The following NTNG1 variants were observed in gnomAD, a reference collection of about 807,000 sequenced individuals.
NTNG1 encodes the protein netrin-G1.
Under a neutral mutation model 54.0 loss-of-function variants are expected in NTNG1, and 16 were observed. That is an observed-to-expected ratio of 0.30 (90% CI 0.20 to 0.45). NTNG1 has a LOEUF of 0.45. NTNG1 is among the 20% of genes least tolerant of loss of function. The pLI is 1.00. For synonymous variants in NTNG1, 255 were observed against 263.1 expected (o/e 0.97, Z 0.30); for missense variants, 530 against 678.7 (o/e 0.78, Z 2.43).
chr1:107,311,456 C>G (rs538799987), intron 2 of NTNG1, among the ~76,000 whole-genome samples: 21 of 152,272 alleles, frequency 1.4e-4, no homozygotes, highest in African/African-American at 5.1e-4. Flanking sequence ...TCTTTGTCCT[C>G]TAACCTCACC....
intron 2 of NTNG1, among the ~76,000 whole-genome samples, chr1:107,307,655 A>C (rs969544068): frequency 6.6e-6 from 1 of 152,220 alleles, no homozygotes; most frequent in African/African-American, 2.4e-5. Context: ...TATTTGTTCC[A>C]GTTGTCCAGA....
rs538196005 is a variant in NTNG1 at position 107,289,128 on chromosome 1, C to G, written c.247-35154C>G. On this transcript the variant is annotated intron_variant, in intron 2 of 7. Transcript: ENST00000370068. Reference sequence around the variant, plus strand: ...CCATCAGAAGTGCTGATTCTTTCAACTTTCCACCATCAAATCTAAAATTCA... The same window carrying G: ...CCATCAGAAGTGCTGATTCTTTCAAGTTTCCACCATCAAATCTAAAATTCA... 3.3e-5 allele frequency among the ~76,000 whole-genome samples: 5 copies of G among 152,264 alleles called. No individual in the cohort carries two copies. In the South Asian group the frequency reaches 1.0e-3, roughly 32 times the overall value.
intron 2 of NTNG1, among the ~76,000 whole-genome samples, chr1:107,185,225 T>G (rs140957471): frequency 6.6e-6 from 1 of 152,300 alleles, no homozygotes; most frequent in East Asian, 1.9e-4. Context: ...TTGGATGGCT[T>G]AAAAGCATGC....
At chr1:107,386,141 ATATGTGTG>A (rs1671964542) in intron 3 of NTNG1, among the ~76,000 whole-genome samples, 4 of 101,450 alleles carry the variant, frequency 3.9e-5, no homozygotes, top group African/African-American at 9.0e-5. Flanking sequence ...GTATATATAT[ATATGTGTG>A]TATATATATA....
Position 107,356,142 on chromosome 1 carries a change from T to A in NTNG1, c.887+31220T>A, listed in dbSNP as rs375516182. 4.5e-4 allele frequency among the ~76,000 whole-genome samples: 69 copies of A among 152,322 alleles called. 2 individuals carry two copies. The East Asian group carries it at 9.7e-3, about 21-fold the overall frequency. On this transcript the variant is annotated intron_variant, in intron 3 of 7. Coordinates refer to ENST00000370068, the MANE Select transcript of NTNG1 (RefSeq NM_001113226.3). ...TATACTTAGGGTTGTATCCAGTGAT[T>A]ATGCACATCTGGCATAAGGCCTCAC...
Position 107,405,421 on chromosome 1 carries a change from A to AC in NTNG1, c.1061-2259dup, listed in dbSNP as rs541165581. ...TGAGGAACAGCCTGAATTTTAAGCAACCAATGTTAGGTAATAGAAAACATC... is the reference window on the plus strand; with the variant it reads ...TGAGGAACAGCCTGAATTTTAAGCAACCCAATGTTAGGTAATAGAAAACATC... On this transcript the variant is annotated intron_variant, in intron 4 of 7. Transcript: ENST00000370068. 1.8e-4 allele frequency among the ~76,000 whole-genome samples: 27 copies of AC among 152,296 alleles called. No homozygotes were observed. In the South Asian group the frequency reaches 5.6e-3, roughly 32 times the overall value.
At chr1:107,287,788 G>C (rs74108700) in intron 2 of NTNG1, among the ~76,000 whole-genome samples, 5,438 of 152,194 alleles carry the variant, frequency 0.036, 313 homozygotes, top group African/African-American at 0.12. Context: ...CATTAGTTGA[G>C]CTCTATGACC....
Position 107,373,022 on chromosome 1 carries a change from G to A in NTNG1, c.888-22132G>A, listed in dbSNP as rs144531314. 1.6e-3 allele frequency among the ~76,000 whole-genome samples: 236 copies of A among 152,002 alleles called. 4 individuals are homozygous for A. The highest frequency in any genetic ancestry group is 0.012 in the Admixed American group (187 of 15,254). ...CCTTTTCGTGGGCAGCATATAACTC[G>A]TCTTGTTTTTGTTTAAATATCTATC... On this transcript the variant is annotated intron_variant, in intron 3 of 7. Coordinates refer to ENST00000370068, the MANE Select transcript of NTNG1 (RefSeq NM_001113226.3).
chr1:107,161,191 A>T (rs565038622), intron 2 of NTNG1, among the ~76,000 whole-genome samples: 2 of 152,304 alleles, frequency 1.3e-5, no homozygotes, highest in East Asian at 3.9e-4. Flanking sequence ...AAACAGAGAT[A>T]TATTTGTTTG....
intron 2 of NTNG1, among the ~76,000 whole-genome samples, chr1:107,235,923 C>T (rs1661380160): frequency 6.6e-6 from 1 of 152,052 alleles, no homozygotes; most frequent in African/African-American, 2.4e-5. Context: ...ATAGAATGCT[C>T]CCCTCTCTCA....
At chr1:107,385,877 T>C (rs1671939061) in intron 3 of NTNG1, among the ~76,000 whole-genome samples, 1 of 151,168 alleles carries the variant, frequency 6.6e-6, no homozygotes, top group Non-Finnish European at 1.5e-5. Context: ...TTTTAGTATA[T>C]TCAAAATGTT....
intron 2 of NTNG1, among the ~76,000 whole-genome samples, chr1:107,228,672 A>G (rs1307487081): frequency 6.6e-6 from 1 of 152,198 alleles, no homozygotes; most frequent in Admixed American, 6.5e-5. Context: ...TTCCAGTTGT[A>G]TAAATAAGGA....
At chr1:107,431,158 T>A (rs1307534246) in intron 6 of NTNG1, among the ~76,000 whole-genome samples, 3 of 152,214 alleles carry the variant, frequency 2.0e-5, no homozygotes, top group Non-Finnish European at 4.4e-5. Context: ...GAAATCATGT[T>A]AAAGAAATTA....
chr1:107,265,821 G>C (rs1412174310), intron 2 of NTNG1, among the ~76,000 whole-genome samples: 1 of 152,180 alleles, frequency 6.6e-6, no homozygotes, highest in Non-Finnish European at 1.5e-5. Context: ...TGAATGCATA[G>C]CAAAGATGGG....
At chr1:107,213,778 T>TA (rs1248491448) in intron 2 of NTNG1, among the ~76,000 whole-genome samples, 1 of 152,164 alleles carries the variant, frequency 6.6e-6, no homozygotes, top group Non-Finnish European at 1.5e-5. Flanking sequence ...TGCAACATGT[T>TA]AAAAAGAGTC....
chr1:107,289,555 T>C (rs373573463), intron 2 of NTNG1, among the ~76,000 whole-genome samples: 5 of 152,280 alleles, frequency 3.3e-5, no homozygotes, highest in East Asian at 1.9e-4. Context: ...TCTATACTTA[T>C]GTTGTCATTC....
intron 7 of NTNG1, among the ~76,000 whole-genome samples, chr1:107,467,472 A>G (rs1677681949): frequency 6.6e-6 from 1 of 152,210 alleles, no homozygotes; most frequent in Non-Finnish European, 1.5e-5. Flanking sequence ...AATAACAATC[A>G]TTGAGTTGAA....
intron 5 of NTNG1, among the ~76,000 whole-genome samples, chr1:107,429,990 A>C (rs1286023160): frequency 6.6e-6 from 1 of 152,144 alleles, no homozygotes; most frequent in Non-Finnish European, 1.5e-5. Flanking sequence ...AAGGAAAAGA[A>C]AGGTGGGGTT....
chr1:107,363,852 A>T (rs1047264847), intron 3 of NTNG1, among the ~76,000 whole-genome samples: 6 of 152,194 alleles, frequency 3.9e-5, no homozygotes, highest in Admixed American at 2.6e-4. Flanking sequence ...ATTAAATAAG[A>T]TGTAGTATGA....
Sources: allele counts gnomAD v4.1 joint callset (sites outside exome capture counted in the v4.1 genomes callset), GRCh38; gene constraint gnomAD v4.1.1; transcripts MANE v1.5; gene names NCBI Gene and HGNC (gene_info 2026-07-23, HGNC 2026-07-21).